The following WWOX variants were observed in gnomAD, a reference collection of about 807,000 sequenced individuals.
WWOX encodes the protein WW domain containing oxidoreductase.
A neutral mutation model predicts 46.2 loss-of-function variants in WWOX; 69 were observed. That is an observed-to-expected ratio of 1.49 (90% CI 1.23 to 1.82). The LOEUF (loss-of-function observed/expected upper bound fraction) is 1.82. WWOX is among the 40% of genes most tolerant of loss of function. The pLI is 0.00. For missense variants in WWOX, 919 were observed against 542.6 expected (o/e 1.69, Z -6.89); for synonymous variants, 359 against 202.6 (o/e 1.77, Z -6.56).
At chr16:79,206,962 G>C (rs185156917) in intron 8 of WWOX, among the ~76,000 whole-genome samples, 2,578 of 151,854 alleles carry the variant, frequency 0.017, 78 homozygotes, top group African/African-American at 0.059. Flanking sequence ...TGTTTCCAAT[G>C]AGAGATTGAA....
intron 8 of WWOX, among the ~76,000 whole-genome samples, chr16:78,754,621 T>TA: frequency 6.6e-6 from 1 of 152,088 alleles, no homozygotes; most frequent in East Asian, 1.9e-4. Context: ...TTTAATTATA[T>TA]AAAAAAAGCA....
chr16:79,184,367 A>G (rs2050972435), intron 8 of WWOX, among the ~76,000 whole-genome samples: 1 of 152,210 alleles, frequency 6.6e-6, no homozygotes, highest in South Asian at 2.1e-4. Context: ...CAATGCATGT[A>G]GGAACAAAGT....
At chr16:78,226,329 T>C (rs2037052549) in intron 5 of WWOX, among the ~76,000 whole-genome samples, 1 of 152,122 alleles carries the variant, frequency 6.6e-6, no homozygotes, top group Non-Finnish European at 1.5e-5. Flanking sequence ...ACAGCTCAGA[T>C]CCTGTGTATT....
intron 8 of WWOX, among the ~76,000 whole-genome samples, chr16:78,687,299 A>G (rs2047885100): frequency 6.6e-6 from 1 of 152,348 alleles, no homozygotes; most frequent in Admixed American, 6.5e-5. Context: ...CTAATTTAAA[A>G]TCAAAATCTC....
chr16:79,031,904 AT>A (rs2047767182), intron 8 of WWOX, among the ~76,000 whole-genome samples: 1 of 52,516 alleles, frequency 1.9e-5, no homozygotes, highest in African/African-American at 4.5e-5. Flanking sequence ...AGATATCTAT[AT>A]ATATAGATAT....
chr16:78,622,747 G>A (rs137908080), intron 8 of WWOX, among the ~76,000 whole-genome samples: 157 of 152,124 alleles, frequency 1.0e-3, no homozygotes, highest in African/African-American at 3.5e-3. Flanking sequence ...GTTTAGATTC[G>A]GTTACACTAT....
chr16:78,719,574 C>A (rs138815931), intron 8 of WWOX, among the ~76,000 whole-genome samples: 1 of 152,092 alleles, frequency 6.6e-6, no homozygotes, highest in African/African-American at 2.4e-5. Context: ...TTTAAGGTTA[C>A]CTTAAAAGAA....
intron 8 of WWOX, among the ~76,000 whole-genome samples, chr16:78,782,045 C>T (rs926549407): frequency 1.3e-5 from 2 of 152,206 alleles, no homozygotes; most frequent in Admixed American, 6.5e-5. Context: ...GGTGAACTCT[C>T]TGTCTTTGGA....
intron 8 of WWOX, among the ~76,000 whole-genome samples, chr16:78,567,387 T>C (rs1312382620): frequency 7.2e-6 from 1 of 139,220 alleles, no homozygotes; most frequent in Non-Finnish European, 1.5e-5. Flanking sequence ...CTACTAAAAA[T>C]ACAAAAAAAA....
intron 6 of WWOX, among the ~76,000 whole-genome samples, chr16:78,408,015 T>C (rs960379548): frequency 6.6e-6 from 1 of 152,192 alleles, no homozygotes; most frequent in African/African-American, 2.4e-5. Context: ...GACTGGTGTA[T>C]GGTGCCTTAA....
At chr16:78,803,947 C>A (rs76394709) in intron 8 of WWOX, among the ~76,000 whole-genome samples, 2,396 of 152,166 alleles carry the variant, frequency 0.016, 62 homozygotes, top group African/African-American at 0.047. Flanking sequence ...GGTGGTACTT[C>A]ATGATCTTGG....
At chr16:79,097,540 T>C (rs1377516589) in intron 8 of WWOX, among the ~76,000 whole-genome samples, 1 of 152,142 alleles carries the variant, frequency 6.6e-6, no homozygotes, top group Non-Finnish European at 1.5e-5. Context: ...CTTTCTAATG[T>C]CTTTTGTTTG....
intron 8 of WWOX, among the ~76,000 whole-genome samples, chr16:78,802,202 GTTTTTTTTTT>G (rs60554747): frequency 1.0e-5 from 1 of 96,768 alleles, no homozygotes; most frequent in African/African-American, 3.8e-5. Flanking sequence ...GTTTGTTTAG[GTTTTTTTTTT>G]TTTTTTTTTT....
chr16:78,488,615 A>T (rs545193132), intron 8 of WWOX, among the ~76,000 whole-genome samples: 1 of 152,046 alleles, frequency 6.6e-6, no homozygotes, highest in Non-Finnish European at 1.5e-5. Flanking sequence ...GCTGCTTGTG[A>T]TATACAATGT....
intron 5 of WWOX, among the ~76,000 whole-genome samples, chr16:78,354,912 C>T (rs577813050): frequency 2.6e-5 from 4 of 152,044 alleles, no homozygotes; most frequent in Non-Finnish European, 5.9e-5. Context: ...GGTGAGGAGA[C>T]CACCTGAGGT....
intron 8 of WWOX, among the ~76,000 whole-genome samples, chr16:78,492,300 A>C (rs1229366081): frequency 6.6e-6 from 1 of 151,792 alleles, no homozygotes; most frequent in South Asian, 2.1e-4. Flanking sequence ...CAAACTGTAT[A>C]ATTTTTTTCT....
intron 8 of WWOX, among the ~76,000 whole-genome samples, chr16:78,966,397 A>C (rs1372951888): frequency 2.0e-5 from 3 of 152,172 alleles, no homozygotes; most frequent in Non-Finnish European, 4.4e-5. Flanking sequence ...TGTCTATAGA[A>C]GTTTTGGTTC....
intron 7 of WWOX, among the ~76,000 whole-genome samples, chr16:78,431,615 G>C (rs1443695708): frequency 6.6e-6 from 1 of 151,724 alleles, no homozygotes; most frequent in South Asian, 2.1e-4. Flanking sequence ...TAGAGGGTGG[G>C]GAGAGAGTTC....
intron 8 of WWOX, among the ~76,000 whole-genome samples, chr16:78,796,830 T>TC (rs2050750112): frequency 6.8e-6 from 1 of 147,766 alleles, no homozygotes; most frequent in African/African-American, 2.5e-5. Context: ...TCTTCTTCTT[T>TC]TTTTTTTTTT....
Sources: gnomAD v4.1 joint callset for allele counts (sites outside exome capture counted in the v4.1 genomes callset) on GRCh38, gnomAD v4.1.1 for gene constraint, MANE v1.5 for transcripts, NCBI Gene and HGNC (gene_info 2026-07-23, HGNC 2026-07-21) for gene names.